The following TFCP2L1 variants were observed in gnomAD, a reference collection of about 807,000 sequenced individuals.
TFCP2L1 encodes the protein transcription factor CP2 like 1.
In TFCP2L1, 12 loss-of-function variants were observed where a neutral mutation model predicts 72.2. That is an observed-to-expected ratio of 0.17 (90% CI 0.11 to 0.27). TFCP2L1 has a LOEUF of 0.27. TFCP2L1 is among the 10% of genes least tolerant of loss of function. The probability of loss-of-function intolerance (pLI) is 1.00; values close to 1 mark genes in which losing one functional copy is unlikely to be tolerated. For missense variants in TFCP2L1, 488 were observed against 624.6 expected (o/e 0.78, Z 2.33); for synonymous variants, 260 against 251.0 (o/e 1.04, Z -0.34).
intron 13 of TFCP2L1, among the ~76,000 whole-genome samples, chr2:121,228,604 T>TAA (rs11446191): frequency 4.4e-4 from 64 of 146,236 alleles, no homozygotes; most frequent in Admixed American, 6.1e-4. Flanking sequence ...TACAAAAAAT[T>TAA]AAAAAAAAAA....
rs1491273747 is a variant in TFCP2L1 at position 121,228,770 on chromosome 2, C to CA, written c.1341+3055dup. Reference sequence around the variant, plus strand: ...TGGGTTACAGAGTGAAACCGTGACTCACAAAAAAAAAAAAAAAAAAAAAAA... The same window carrying CA: ...TGGGTTACAGAGTGAAACCGTGACTCAACAAAAAAAAAAAAAAAAAAAAAAA... On this transcript the variant is annotated intron_variant, in intron 13 of 14. Coordinates refer to ENST00000263707, the MANE Select transcript of TFCP2L1 (RefSeq NM_014553.3). Among the ~76,000 whole-genome samples the CA allele has an allele frequency of 7.5e-4, 11 of 14,732 alleles. No individual in the cohort carries two copies. The South Asian group carries it at 0.016, about 22-fold the overall frequency. 9.7% of individuals were successfully genotyped at this position (14,732 alleles called of 152,430 possible). A position where few individuals can be genotyped will look rare whatever the true frequency, so the allele number is the denominator to read the frequency against.
chr2:121,268,220 T>C (rs894296148), intron 2 of TFCP2L1, among the ~76,000 whole-genome samples: 2 of 152,254 alleles, frequency 1.3e-5, no homozygotes, highest in African/African-American at 2.4e-5. Flanking sequence ...AAATTTCACA[T>C]TTTGGAAAGC....
chr2:121,227,264 T>C (rs1686048151), intron 13 of TFCP2L1, among the ~76,000 whole-genome samples: 1 of 152,248 alleles, frequency 6.6e-6, no homozygotes, highest in South Asian at 2.1e-4. Flanking sequence ...TAATGTAACA[T>C]TCTGGTAACC....
intron 7 of TFCP2L1, chr2:121,240,420 T>C: frequency 1.0e-6 from 1 of 985,432 alleles, no homozygotes; most frequent in South Asian, 4.7e-5. Context: ...GAGGGCCAAT[T>C]TGAAGCATTC....
chr2:121,260,909 G>C (rs1273936188), intron 2 of TFCP2L1, among the ~76,000 whole-genome samples: 2 of 152,228 alleles, frequency 1.3e-5, no homozygotes, highest in Non-Finnish European at 2.9e-5. Flanking sequence ...CTTTCCTACA[G>C]TTACTGGTTT....
intron 2 of TFCP2L1, among the ~76,000 whole-genome samples, chr2:121,272,506 G>A (rs772457984): frequency 1.3e-5 from 2 of 152,138 alleles, no homozygotes; most frequent in African/African-American, 2.4e-5. Context: ...AAGAATGAAC[G>A]GAAAAGTGAA....
At chr2:121,242,235 C>A in intron 7 of TFCP2L1, 124 bp downstream of exon 7, 1 of 800,696 alleles carries the variant, frequency 1.2e-6, no homozygotes, top group Non-Finnish European at 2.1e-6. Context: ...GAACCCACCA[C>A]AACAGAATAA....
At chr2:121,227,720 TACACACACACAC>T (rs144192362) in intron 13 of TFCP2L1, among the ~76,000 whole-genome samples, 17 of 147,314 alleles carry the variant, frequency 1.2e-4, no homozygotes, top group Non-Finnish European at 6.0e-5. Context: ...AAACATACAA[TACACACACACAC>T]ACACACACAC....
intron 6 of TFCP2L1, among the ~76,000 whole-genome samples, chr2:121,246,291 T>C (rs558103011): frequency 3.3e-5 from 5 of 152,286 alleles, no homozygotes; most frequent in African/African-American, 1.2e-4. Context: ...CAGGCGACTG[T>C]AGGGAATGAA....
At chr2:121,253,152 C>T (rs971356219) in intron 2 of TFCP2L1, among the ~76,000 whole-genome samples, 1 of 152,220 alleles carries the variant, frequency 6.6e-6, no homozygotes, top group Non-Finnish European at 1.5e-5. Context: ...CCGAGCACAG[C>T]CATGCCCACT....
chr2:121,280,995 T>C lies in TFCP2L1; in HGVS notation c.214+125A>G, dbSNP rs1310706493. 46 of 1,240,872 alleles carry C rather than the reference T, an allele frequency of 3.7e-5. No homozygotes were observed. In the East Asian group the frequency reaches 9.5e-4, roughly 26 times the overall value. 76.9% of individuals were successfully genotyped at this position (1,240,872 alleles called of 1,614,324 possible). ...GGAATCTGAACCTGCACCTGTTCTC[T>C]TTCCCGAGCCCGACCTCGCCCGACC... On this transcript the variant is annotated intron_variant, in intron 2 of 14. Transcript: ENST00000263707.
chr2:121,262,249 G>T (rs1457242683), intron 2 of TFCP2L1, among the ~76,000 whole-genome samples: 1 of 152,100 alleles, frequency 6.6e-6, no homozygotes, highest in African/African-American at 2.4e-5. Flanking sequence ...GGTGGATCAC[G>T]AGGTCAGGAG....
chr2:121,251,428 T>C (rs1333661493), intron 2 of TFCP2L1, among the ~76,000 whole-genome samples: 2 of 152,354 alleles, frequency 1.3e-5, no homozygotes, highest in East Asian at 3.9e-4. Flanking sequence ...GTGTATAATC[T>C]ATGAAATATA....
rs796221589 is a variant in TFCP2L1, at chr2:121,282,518, T to TA, written c.63-1248dup. 8.7e-3 allele frequency among the ~76,000 whole-genome samples: 1,015 copies of TA among 117,020 alleles called. 7 individuals carry two copies. The highest frequency in any genetic ancestry group is 0.022 in the African/African-American group (703 of 31,410). 76.8% of individuals were successfully genotyped at this position (117,020 alleles called of 152,430 possible). On this transcript the variant is annotated intron_variant, in intron 1 of 14. Coordinates refer to ENST00000263707, the MANE Select transcript of TFCP2L1 (RefSeq NM_014553.3). ...CACCATAGTGAGACCCCACCATCTC[T>TA]AAAAAAAAAAAAAAGGAAAAAGAAA...
At chr2:121,235,150 G>T in intron 11 of TFCP2L1, 71 bp downstream of exon 11, 1 of 1,535,714 alleles carries the variant, frequency 6.5e-7, no homozygotes, top group Non-Finnish European at 9.0e-7. Flanking sequence ...AAAAGGCTGA[G>T]GTAGGGGTTT....
intron 2 of TFCP2L1, among the ~76,000 whole-genome samples, chr2:121,256,633 C>T (rs1030233057): frequency 3.9e-5 from 6 of 151,902 alleles, no homozygotes; most frequent in Non-Finnish European, 1.5e-5. Flanking sequence ...AAAAATTAGC[C>T]GGGCATGGTG....
intron 13 of TFCP2L1, among the ~76,000 whole-genome samples, chr2:121,227,290 GGGTACTTCAAT>G (rs2104658333): frequency 6.6e-6 from 1 of 152,298 alleles, no homozygotes; most frequent in African/African-American, 2.4e-5. Flanking sequence ...GCAGGTACAT[GGGTACTTCAAT>G]GGTTCTTTAA....
At chr2:121,252,363 C>A (rs1029462440) in intron 2 of TFCP2L1, among the ~76,000 whole-genome samples, 1 of 152,098 alleles carries the variant, frequency 6.6e-6, no homozygotes, top group Non-Finnish European at 1.5e-5. Context: ...TATTATATAG[C>A]TCAAAAAGCA....
chr2:121,274,312 T>C (rs1278729849), intron 2 of TFCP2L1, among the ~76,000 whole-genome samples: 1 of 152,144 alleles, frequency 6.6e-6, no homozygotes, highest in African/African-American at 2.4e-5. Flanking sequence ...AGGATACAGG[T>C]TGAGCATCCC....
Sources: gnomAD v4.1 joint callset for allele counts (sites outside exome capture counted in the v4.1 genomes callset) on GRCh38, gnomAD v4.1.1 for gene constraint, MANE v1.5 for transcripts, NCBI Gene and HGNC (gene_info 2026-07-23, HGNC 2026-07-21) for gene names.